Variants in SLIT2 observed in about 807,000 individuals in gnomAD.
SLIT2 encodes slit homolog 2 protein.
In SLIT2, 41 loss-of-function variants were observed where a neutral mutation model predicts 185.7. The ratio of observed to expected loss-of-function variants is 0.22; its 90% CI spans 0.17 to 0.29. The LOEUF is 0.29. SLIT2 is among the 10% of genes least tolerant of loss of function. SLIT2 has a pLI of 1.00. For synonymous variants in SLIT2, 693 were observed against 680.2 expected, an observed-to-expected ratio of 1.02 and a Z score of -0.29; for missense variants, 1,571 against 1,909.0, an observed-to-expected ratio of 0.82 and a Z score of 3.30.
intron 4 of SLIT2, among the ~76,000 whole-genome samples, chr4:20,275,256 A>G (rs913746321): frequency 4.6e-5 from 7 of 152,124 alleles, no homozygotes; most frequent in African/African-American, 1.7e-4. Flanking sequence ...AGGTTGTGTA[A>G]AATGATAGTG....
At chr4:20,560,329 A>G (rs1724594876) in intron 26 of SLIT2, among the ~76,000 whole-genome samples, 1 of 151,930 alleles carries the variant, frequency 6.6e-6, no homozygotes, top group Non-Finnish European at 1.5e-5. Context: ...ATTTTGAGTC[A>G]TTAACTATTT....
In SLIT2 at chr4:20,589,735, C is replaced by T. The variant is rs755539826; in HGVS notation, c.3180C>T (p.Phe1060=). The T allele has an allele frequency of 6.8e-6, 11 of 1,611,770 alleles. No individual in the cohort carries two copies. The African/African-American group carries it at 1.5e-4, about 22-fold the overall frequency. Residue 1060 remains phenylalanine, a splice_region_variant and synonymous_variant, in exon 30 of 37, where the codon TTC becomes TTT. Transcript: ENST00000504154. ...AGTGCATCCTAACTCCAAAGGGATTCAAGTAAGTCAAAAGCTACCTTTTTG... is the reference window on the plus strand; with the variant it reads ...AGTGCATCCTAACTCCAAAGGGATTTAAGTAAGTCAAAAGCTACCTTTTTG... ...DSKCILTPKG[F]KCDCTPGYVG...
intron 29 of SLIT2, among the ~76,000 whole-genome samples, chr4:20,584,600 T>C (rs1726890887): frequency 6.6e-6 from 1 of 152,252 alleles, no homozygotes. Flanking sequence ...TAAGTAGCAT[T>C]TTATCTCCCC....
intron 29 of SLIT2, among the ~76,000 whole-genome samples, chr4:20,582,095 A>G (rs1019044992): frequency 6.6e-6 from 1 of 152,144 alleles, no homozygotes; most frequent in South Asian, 2.1e-4. Flanking sequence ...GCCCCGACTC[A>G]AAACCTTTCA....
At chr4:20,312,832 T>C (rs958440431) in intron 4 of SLIT2, among the ~76,000 whole-genome samples, 8 of 151,360 alleles carry the variant, frequency 5.3e-5, no homozygotes, top group African/African-American at 1.5e-4. Flanking sequence ...GGGCTTTTAA[T>C]TGATATTTTA....
chr4:20,343,449 C>T (rs899572925), intron 4 of SLIT2, among the ~76,000 whole-genome samples: 7 of 151,892 alleles, frequency 4.6e-5, no homozygotes, highest in African/African-American at 9.7e-5. Flanking sequence ...TGTATGTATA[C>T]GCAATTTATC....
At chr4:20,360,132 G>A (rs542269758) in intron 4 of SLIT2, among the ~76,000 whole-genome samples, 1 of 152,186 alleles carries the variant, frequency 6.6e-6, no homozygotes, top group Admixed American at 6.5e-5. Context: ...AAGATACATA[G>A]GGATAGGAAA....
chr4:20,288,390 A>G (rs922523465), intron 4 of SLIT2, among the ~76,000 whole-genome samples: 2 of 152,232 alleles, frequency 1.3e-5, no homozygotes, highest in Non-Finnish European at 2.9e-5. Flanking sequence ...CTCAATAAAT[A>G]TTCACTGTGA....
intron 29 of SLIT2, among the ~76,000 whole-genome samples, chr4:20,583,724 G>A (rs1408059123): frequency 2.0e-5 from 3 of 152,052 alleles, no homozygotes; most frequent in South Asian, 2.1e-4. Context: ...CAGGAGAATC[G>A]TTTGAACCCA....
At chr4:20,366,561 G>A (rs1163386127) in intron 4 of SLIT2, among the ~76,000 whole-genome samples, 1 of 151,996 alleles carries the variant, frequency 6.6e-6, no homozygotes, top group Non-Finnish European at 1.5e-5. Flanking sequence ...AAAATTCTGG[G>A]AATGCAAAAT....
chr4:20,260,693 A>G (rs1328787445), intron 3 of SLIT2, among the ~76,000 whole-genome samples: 1 of 151,904 alleles, frequency 6.6e-6, no homozygotes, highest in African/African-American at 2.4e-5. Context: ...TCTGCAAGAA[A>G]CAGTCATGTT....
intron 4 of SLIT2, among the ~76,000 whole-genome samples, chr4:20,321,342 T>C (rs961809698): frequency 6.6e-6 from 1 of 152,190 alleles, no homozygotes; most frequent in African/African-American, 2.4e-5. Flanking sequence ...ACTTCTCTTG[T>C]TTCCTCTGTG....
At chr4:20,488,470 C>T (rs1717464016) in intron 7 of SLIT2, among the ~76,000 whole-genome samples, 1 of 152,172 alleles carries the variant, frequency 6.6e-6, no homozygotes, top group African/African-American at 2.4e-5. Context: ...CTCGCCCAGT[C>T]TCCCCATTCT....
chr4:20,458,088 C>CAAAAAAAAAAAAAA (rs10672353), intron 4 of SLIT2, among the ~76,000 whole-genome samples: 1 of 112,918 alleles, frequency 8.9e-6, no homozygotes. Flanking sequence ...ACACATTATG[C>CAAAAAAAAAAAAAA]AAAAAAAAAA....
intron 6 of SLIT2, 58 bp from the exon 7 acceptor site, chr4:20,486,142 T>C (rs995666562): frequency 1.9e-6 from 2 of 1,051,664 alleles, no homozygotes; most frequent in African/African-American, 1.6e-5. Context: ...TGTTAATATA[T>C]AAAATGATCA....
At chr4:20,544,882 G>C (rs909651248) in intron 21 of SLIT2, among the ~76,000 whole-genome samples, 1 of 152,010 alleles carries the variant, frequency 6.6e-6, no homozygotes, top group Non-Finnish European at 1.5e-5. Flanking sequence ...CTTCCCTCTA[G>C]TGGTATCAAG....
intron 24 of SLIT2, 38 bp downstream of exon 24, chr4:20,549,166 A>C: frequency 4.7e-6 from 6 of 1,281,478 alleles, no homozygotes; most frequent in Non-Finnish European, 5.7e-6. Context: ...CTCTTTTCTC[A>C]GAGATCTGAG....
intron 18 of SLIT2, among the ~76,000 whole-genome samples, chr4:20,536,273 C>T (rs116773355): frequency 0.014 from 2,150 of 152,074 alleles, 47 homozygotes; most frequent in African/African-American, 0.048. Flanking sequence ...ACACTGTACA[C>T]GGCCTGGCAC....
intron 3 of SLIT2, among the ~76,000 whole-genome samples, chr4:20,262,459 C>G (rs961090069): frequency 6.6e-6 from 1 of 151,846 alleles, no homozygotes; most frequent in African/African-American, 2.4e-5. Flanking sequence ...TTAGTCTCTT[C>G]TGACTAATCC....
Sources: gnomAD v4.1 joint callset for allele counts (sites outside exome capture counted in the v4.1 genomes callset) on GRCh38, gnomAD v4.1.1 for gene constraint, MANE v1.5 for transcripts, NCBI Gene and HGNC (gene_info 2026-07-23, HGNC 2026-07-21) for gene names.